The following KIR3DL2 variants were observed in gnomAD, a reference collection of about 807,000 sequenced individuals.
KIR3DL2 encodes the protein killer cell immunoglobulin like receptor, three Ig domains and long cytoplasmic tail 2.
KIR3DL2 carries 42 observed loss-of-function variants against 41.6 expected under a neutral mutation model. The observed-to-expected ratio is 1.01, with a 90% CI of 0.79 to 1.31. The LOEUF (loss-of-function observed/expected upper bound fraction) is 1.31. Ranked by LOEUF, KIR3DL2 falls within the 50% of genes most tolerant of loss-of-function variation. The probability of loss-of-function intolerance (pLI) is 0.00; values close to 1 mark genes in which losing one functional copy is unlikely to be tolerated. For missense variants in KIR3DL2, 728 were observed against 576.8 expected (o/e 1.26, Z -2.68); for synonymous variants, 230 against 221.3 (o/e 1.04, Z -0.35).
Position 54,853,786 on chromosome 19 carries a change from C to G in KIR3DL2, c.395C>G (p.Pro132Arg). 1 of 1,611,724 alleles carries G rather than the reference C, an allele frequency of 6.2e-7. No homozygotes were observed. The highest frequency in any genetic ancestry group is 1.1e-5 in the South Asian group (1 of 91,066). The stretch of plus-strand genomic sequence containing the variant: ...CCTTCCCTCCTGGCCCACCCAGGGC[C>G]CCTGCTGAAATCAGGAGAGACAGTC... ...RKPSLLAHPG[P>R]LLKSGETVIL... The change falls in exon 4 of 9, where the codon CCC becomes CGC. Residue 132 changes from proline to arginine, a missense_variant. Pro to Arg is a moderately radical substitution (Grantham distance 103, BLOSUM62 -2). Coordinates refer to ENST00000326321, the MANE Select transcript of KIR3DL2 (RefSeq NM_006737.4).
intron 3 of KIR3DL2, among the ~76,000 whole-genome samples, chr19:54,852,784 C>T (rs1321259721): frequency 1.3e-5 from 2 of 150,682 alleles, no homozygotes; most frequent in Non-Finnish European, 2.9e-5. Context: ...AGAGGGAACG[C>T]AGCCCTGCAG....
chr19:54,855,503 TGA>T (rs4020207), intron 4 of KIR3DL2, 114 bp from the exon 5 acceptor site: 27,049 of 1,163,042 alleles, frequency 0.023, no homozygotes, highest in South Asian at 0.047. Context: ...GGGTGGAGGG[TGA>T]GAGAGAGAGA....
At chr19:54,862,515 G>A (rs1000072506) in intron 6 of KIR3DL2, among the ~76,000 whole-genome samples, 11 of 152,162 alleles carry the variant, frequency 7.2e-5, no homozygotes, top group Middle Eastern at 3.4e-3. Flanking sequence ...GACAACAGAA[G>A]CCTACATTTC....
In KIR3DL2 at chr19:54,852,008, CA is replaced by C; in HGVS notation, c.84del (p.Lys28AsnfsTer58). 6.2e-7 allele frequency: 1 copy of C among 1,610,246 alleles called. No homozygotes were observed. Among genetic ancestry groups the C allele is most frequent in the Middle Eastern group, 1.7e-4 (1 of 6,034 alleles). On this transcript the variant is annotated frameshift_variant, in exon 3 of 9. Transcript: ENST00000326321. LOFTEE classifies it high-confidence loss of function. ...GAWPLMGGQD[K>X]PFLSARPSTV... is the part of the protein sequence containing the mutation. ...CTCCTTCTCCCCCAGGTGGTCAGGA[CA>C]AACCCTTCCTGTCTGCCCGGCCCAG...
chr19:54,852,199 G>C lies in KIR3DL2; in HGVS notation c.272G>C (p.Gly91Ala). ...IMGPVTPAHA[G>A]TYRCRGSRPH... ...GGCCCTGTGACCCCAGCACATGCAG[G>C]GACCTACAGATGTCGGGGTTCACGC... Residue 91 changes from glycine (G) to alanine (A), a missense_variant, in exon 3 of 9, where the codon GGG (glycine) becomes GCG (alanine). Transcript: ENST00000326321. The C allele has an allele frequency of 6.2e-7, 1 of 1,612,422 alleles. No homozygotes were observed. Among genetic ancestry groups the C allele is most frequent in the Admixed American group, 1.7e-5 (1 of 59,928 alleles).
intron 1 of KIR3DL2, 117 bp from the exon 2 acceptor site, chr19:54,851,103 C>G: frequency 7.6e-7 from 1 of 1,319,382 alleles, no homozygotes; most frequent in South Asian, 1.2e-5. Context: ...AGCAGGGAGG[C>G]TAAGTTTACC....
chr19:54,866,811 T>C lies in KIR3DL2; in HGVS notation c.*80T>C. ...TGGAATCTGAAGGCATCAGTCTGCA[T>C]CTTAGGGGATCGCTCTTCCTCACAC... On this transcript the variant is annotated 3_prime_UTR_variant, in exon 9 of 9. Coordinates refer to ENST00000326321, the MANE Select transcript of KIR3DL2 (RefSeq NM_006737.4). The C allele has an allele frequency of 6.9e-7, 1 of 1,440,478 alleles. No homozygotes were observed. Among genetic ancestry groups the C allele is most frequent in the Non-Finnish European group, 9.7e-7 (1 of 1,033,764 alleles). The allele number at this position is 1,440,478 out of a possible 1,614,324, so 89.2% of individuals were successfully genotyped here.
At chr19:54,862,380 A>C (rs1356842635) in intron 6 of KIR3DL2, among the ~76,000 whole-genome samples, 3 of 152,124 alleles carry the variant, frequency 2.0e-5, no homozygotes. Context: ...AGAAGACTCT[A>C]AACACCTGCT....
chr19:54,862,027 A>T (rs1468325538), intron 6 of KIR3DL2, among the ~76,000 whole-genome samples: 1 of 152,078 alleles, frequency 6.6e-6, no homozygotes, highest in African/African-American at 2.4e-5. Flanking sequence ...GGAATCAGAG[A>T]TCAGCACCAG....
chr19:54,866,157 C>G (rs921935079), intron 7 of KIR3DL2, among the ~76,000 whole-genome samples: 1 of 152,038 alleles, frequency 6.6e-6, no homozygotes, highest in Non-Finnish European at 1.5e-5. Context: ...CCATGACAGG[C>G]AGAAAGTGGG....
rs2145674280 is a variant in KIR3DL2, at chr19:54,859,868, C to T, written c.1000+739C>T. On this transcript the variant is annotated intron_variant, in intron 6 of 8. Coordinates refer to ENST00000326321, the MANE Select transcript of KIR3DL2 (RefSeq NM_006737.4). ...CTCAGCTTCTAGAGGCTCCCATGTT[C>T]CTTGGCTCCTGGTACCCTTCCTCCT... Among the ~76,000 whole-genome samples the T allele has an allele frequency of 1.3e-5, 2 of 152,132 alleles. 1 individual carries two copies. Among genetic ancestry groups the T allele is most frequent in the South Asian group, 4.1e-4 (2 of 4,828 alleles).
chr19:54,857,899 T>G (rs990418042), intron 5 of KIR3DL2, among the ~76,000 whole-genome samples: 1 of 151,850 alleles, frequency 6.6e-6, no homozygotes, highest in Non-Finnish European at 1.5e-5. Flanking sequence ...TACATTTCTG[T>G]GATGATGAGT....
chr19:54,855,587 C>T (rs2064681042), intron 4 of KIR3DL2, 32 bp from the exon 5 acceptor site: 2 of 1,603,720 alleles, frequency 1.2e-6, no homozygotes, highest in Non-Finnish European at 1.7e-6. Flanking sequence ...AAGGAAGAAC[C>T]TCCCTGAGGA....
Position 54,853,968 on chromosome 19 carries a change from T to C in KIR3DL2, c.577T>C (p.Tyr193His). ...CTTGATGCCTGTCCTTGCAGGAACC[T>C]ACAGATGTTATGGTTCTGTTCCTCA... ...GPLMPVLAGT[Y>H]RCYGSVPHSP... The change falls in exon 4 of 9, where the codon TAC becomes CAC. Residue 193 changes from tyrosine to histidine, a missense_variant. By Grantham distance (83) the Tyr-to-His change is moderately conservative. Transcript: ENST00000326321. The C allele has an allele frequency of 2.5e-6, 4 of 1,613,340 alleles. No individual in the cohort carries two copies. The South Asian group carries it at 4.4e-5, about 18-fold the overall frequency.
chr19:54,855,982 G>A, intron 5 of KIR3DL2, 70 bp downstream of exon 5: 1 of 1,560,716 alleles, frequency 6.4e-7, no homozygotes, highest in Non-Finnish European at 8.8e-7. Flanking sequence ...TCCTGCCGAT[G>A]ATGGGGAGAA....
At chr19:54,865,208 A>G (rs1363956344) in intron 6 of KIR3DL2, among the ~76,000 whole-genome samples, 1 of 151,948 alleles carries the variant, frequency 6.6e-6, no homozygotes, top group Non-Finnish European at 1.5e-5. Context: ...GAGCCTGGGC[A>G]ACTTCTAGAG....
Position 54,852,265 on chromosome 19 carries a change from T to C in KIR3DL2, c.338T>C (p.Leu113Pro). Residue 113 changes from leucine to proline, a missense_variant, in exon 3 of 9, where the codon CTG (leucine) becomes CCG (proline). Leu to Pro is a moderately conservative substitution (Grantham distance 98). Coordinates refer to ENST00000326321, the MANE Select transcript of KIR3DL2 (RefSeq NM_006737.4). ...LTGWSAPSNP[L>P]VIMVTGNHRK... is the part of the protein sequence containing the mutation. ...GGGTGGTCGGCACCCAGCAACCCCC[T>C]GGTGATCATGGTCACAGGTCAGAGG... 6.2e-7 allele frequency: 1 copy of C among 1,607,904 alleles called. No homozygotes were observed. The highest frequency in any genetic ancestry group is 8.5e-7 in the Non-Finnish European group (1 of 1,177,130).
chr19:54,857,715 C>T (rs1195714771), intron 5 of KIR3DL2, among the ~76,000 whole-genome samples: 1 of 151,624 alleles, frequency 6.6e-6, no homozygotes, highest in Non-Finnish European at 1.5e-5. Context: ...CCACGCCTAG[C>T]TAATTTTTGT....
At chr19:54,866,312 T>C in intron 7 of KIR3DL2, 58 bp from the exon 8 acceptor site, 1 of 1,593,400 alleles carries the variant, frequency 6.3e-7, no homozygotes, top group Non-Finnish European at 8.6e-7. Context: ...TGTCTGCCCA[T>C]GAAATGAGGA....
Sources: gnomAD v4.1 joint callset for allele counts (sites outside exome capture counted in the v4.1 genomes callset) on GRCh38, gnomAD v4.1.1 for gene constraint, MANE v1.5 for transcripts, NCBI Gene and HGNC (gene_info 2026-07-23, HGNC 2026-07-21) for gene names.